Variants in ZNF212 observed in about 807,000 individuals in gnomAD.
The protein encoded by ZNF212 is Zinc finger protein C2H2-150.
In ZNF212, 32 loss-of-function variants were observed where a neutral mutation model predicts 47.3. That is an observed-to-expected ratio of 0.68 (90% confidence interval 0.51 to 0.91). The LOEUF (loss-of-function observed/expected upper bound fraction) is 0.91, where lower values mean the gene tolerates loss of function less well. Ranked by LOEUF, ZNF212 falls within the 40% of genes least tolerant of loss-of-function variation. The probability of loss-of-function intolerance (pLI) is 0.00; values close to 1 mark genes in which losing one functional copy is unlikely to be tolerated. For missense variants in ZNF212, 555 were observed against 622.8 expected, an observed-to-expected ratio of 0.89 and a Z score of 1.16; for synonymous variants, 242 against 253.8, an observed-to-expected ratio of 0.95 and a Z score of 0.44.
intron 3 of ZNF212, among the ~76,000 whole-genome samples, chr7:149,251,757 AG>A (rs1455136630): frequency 1.3e-5 from 2 of 151,624 alleles, no homozygotes; most frequent in Non-Finnish European, 2.9e-5. Flanking sequence ...CCCAAAGTGC[AG>A]GGATTACAGG....
At chr7:149,243,458 AAGAGAG>A (rs1164187178) in intron 1 of ZNF212, among the ~76,000 whole-genome samples, 4 of 144,340 alleles carry the variant, frequency 2.8e-5, no homozygotes, top group African/African-American at 7.8e-5. Context: ...AAAAAAAAAA[AAGAGAG>A]AGAGAGAGAG....
intron 1 of ZNF212, among the ~76,000 whole-genome samples, chr7:149,242,431 T>G (rs1024395013): frequency 2.0e-5 from 3 of 151,774 alleles, no homozygotes; most frequent in African/African-American, 7.3e-5. Context: ...CCATGGAAGC[T>G]AGGCAAAAGT....
At chr7:149,242,253 C>G (rs1796603938) in intron 1 of ZNF212, among the ~76,000 whole-genome samples, 1 of 151,518 alleles carries the variant, frequency 6.6e-6, no homozygotes, top group Admixed American at 6.6e-5. Context: ...AACTCCTGAC[C>G]TCAGGTGATC....
intron 1 of ZNF212, among the ~76,000 whole-genome samples, chr7:149,240,987 T>A (rs1356090219): frequency 2.0e-5 from 3 of 152,216 alleles, no homozygotes; most frequent in Admixed American, 2.0e-4. Context: ...CTGACTCCTA[T>A]AAGCTAGGCT....
intron 1 of ZNF212, among the ~76,000 whole-genome samples, 158 bp from the exon 2 acceptor site, chr7:149,250,001 T>C (rs1428683111): frequency 2.0e-5 from 3 of 152,194 alleles, no homozygotes; most frequent in Non-Finnish European, 4.4e-5. Flanking sequence ...TCCAACATTA[T>C]TAATACAATA....
At chr7:149,251,491 C>CTTTTTTTTTTTTT (rs71194634) in intron 3 of ZNF212, among the ~76,000 whole-genome samples, 4 of 77,434 alleles carry the variant, frequency 5.2e-5, no homozygotes, top group African/African-American at 1.0e-4. Context: ...CCTGTTTTAT[C>CTTTTTTTTTTTTT]TTTTTTTTTT....
Position 149,250,668 on chromosome 7 carries a change from T to C in ZNF212, c.415-13T>C, listed in dbSNP as rs1256521555. The C allele has an allele frequency of 3.1e-6, 5 of 1,614,190 alleles. No homozygotes were observed. The highest frequency in any genetic ancestry group is 1.1e-5 in the South Asian group (1 of 91,088). ...GAGTAGAAGCACTCATGGTGTGCCA[T>C]TGGTGATTCCAGGTGTCCAGGTCAC... is the stretch of plus-strand genomic sequence containing the variant. On this transcript the variant is annotated splice_polypyrimidine_tract_variant and intron_variant, in intron 2 of 4. Coordinates refer to ENST00000335870, the MANE Select transcript of ZNF212 (RefSeq NM_012256.4).
In ZNF212 at chr7:149,250,308, G is replaced by C; in HGVS notation, c.174G>C (p.Gln58His). The C allele has an allele frequency of 6.2e-7, 1 of 1,613,996 alleles. No homozygotes were observed. The highest frequency in any genetic ancestry group is 8.5e-7 in the Non-Finnish European group (1 of 1,179,990). Reference protein sequence around the residue: ...IQAVEKKMESQAARLQSLEGR... With the variant: ...IQAVEKKMESHAARLQSLEGR... ...CTGTGGAGAAGAAGATGGAGTCCCA[G>C]GCTGCCCGGCTACAGAGCCTGGAGG... Residue 58 changes from glutamine (Q) to histidine (H), a missense_variant, in exon 2 of 5, where the codon CAG becomes CAC. Physicochemically the swap from Gln to His is conservative, Grantham distance 24. Transcript: ENST00000335870.
In ZNF212 at chr7:149,254,452, G is replaced by A. The variant is rs1486400487; in HGVS notation, c.*37G>A. 2 of 1,548,122 alleles carry A rather than the reference G, an allele frequency of 1.3e-6. No homozygotes were observed. Among genetic ancestry groups the A allele is most frequent in the Non-Finnish European group, 1.7e-6 (2 of 1,157,198 alleles). On this transcript the variant is annotated 3_prime_UTR_variant, in exon 5 of 5. Coordinates refer to ENST00000335870, the MANE Select transcript of ZNF212 (RefSeq NM_012256.4). This position sits in a 1 kb window ranked among gnomAD's most constrained non-coding sequence, Gnocchi z 4.5. ...CTCGCCCGTCTGGGGGATGGAGGGGGGTGGCATTGGTTCCCCCGAAGAGAC... is the reference window on the plus strand; with the variant it reads ...CTCGCCCGTCTGGGGGATGGAGGGGAGTGGCATTGGTTCCCCCGAAGAGAC...
At chr7:149,246,711 A>G (rs753225883) in intron 1 of ZNF212, among the ~76,000 whole-genome samples, 21 of 148,770 alleles carry the variant, frequency 1.4e-4, no homozygotes, top group Non-Finnish European at 2.7e-4. Context: ...TTTTTCTCCT[A>G]TCCCTAGCCC....
intron 1 of ZNF212, among the ~76,000 whole-genome samples, chr7:149,246,502 C>A (rs1008477641): frequency 5.9e-5 from 9 of 152,112 alleles, no homozygotes; most frequent in Non-Finnish European, 1.2e-4. Flanking sequence ...CTCGCCTCAA[C>A]CTCCCAAGTA....
intron 1 of ZNF212, among the ~76,000 whole-genome samples, chr7:149,241,892 G>A (rs1796594077): frequency 6.6e-6 from 1 of 152,214 alleles, no homozygotes; most frequent in African/African-American, 2.4e-5. Context: ...TGAACTGAAA[G>A]TAAGGTCTGA....
chr7:149,247,031 C>T (rs1203938930), intron 1 of ZNF212, among the ~76,000 whole-genome samples: 1 of 149,182 alleles, frequency 6.7e-6, no homozygotes. Flanking sequence ...AGGCTGGTCT[C>T]GAACTCCCAA....
intron 1 of ZNF212, 66 bp downstream of exon 1, chr7:149,239,868 G>C (rs2129524114): frequency 7.9e-7 from 1 of 1,258,456 alleles, no homozygotes; most frequent in Non-Finnish European, 1.0e-6. Context: ...TGCCGGGGGC[G>C]GGGCTTCGCG....
At chr7:149,244,154 T>C (rs1347932176) in intron 1 of ZNF212, among the ~76,000 whole-genome samples, 2 of 152,002 alleles carry the variant, frequency 1.3e-5, no homozygotes, top group Non-Finnish European at 2.9e-5. Context: ...AGGCTGGTCT[T>C]GAACTCCTGA....
At position 149,254,243 on chromosome 7, in the gene ZNF212, C is replaced by T; in HGVS notation, c.1316C>T (p.Pro439Leu). 1 of 1,614,242 alleles carries T rather than the reference C, an allele frequency of 6.2e-7. No individual in the cohort carries two copies. Among genetic ancestry groups the T allele is most frequent in the Non-Finnish European group, 8.5e-7 (1 of 1,180,036 alleles). ...TACTGTGGCAAGAGCTTCAGTCACC[C>T]ATCTGACTTGGTGCGGCACCAGCGC... Reference protein sequence around the residue: ...CGYCGKSFSHPSDLVRHQRIH... With the variant: ...CGYCGKSFSHLSDLVRHQRIH... The change falls in exon 5 of 5, where the codon CCA (proline) becomes CTA (leucine). Residue 439 changes from proline (P) to leucine (L), a missense_variant. Transcript: ENST00000335870. This position sits in a 1 kb window ranked among gnomAD's most constrained non-coding sequence, Gnocchi z 4.5.
Position 149,254,646 on chromosome 7 carries a change from C to T in ZNF212, c.*231C>T. 1 of 565,834 alleles carries T rather than the reference C, an allele frequency of 1.8e-6. No individual in the cohort carries two copies. The highest frequency in any genetic ancestry group is 3.1e-5 in the South Asian group (1 of 32,198). The allele number at this position is 565,834 out of a possible 1,614,324, so 35.1% of individuals were successfully genotyped here. On this transcript the variant is annotated 3_prime_UTR_variant, in exon 5 of 5. Transcript: ENST00000335870. The surrounding 1 kb of genome is among the most constrained non-coding windows in gnomAD (Gnocchi z 4.5). Reference sequence around the variant, plus strand: ...TTGCTGTTTCTTGGCACCTTCAGGTCTCTGGTTTTCTCATTCATGCCAATG... The same window carrying T: ...TTGCTGTTTCTTGGCACCTTCAGGTTTCTGGTTTTCTCATTCATGCCAATG...
At chr7:149,242,881 C>T (rs1040629573) in intron 1 of ZNF212, among the ~76,000 whole-genome samples, 3 of 151,258 alleles carry the variant, frequency 2.0e-5, no homozygotes, top group Non-Finnish European at 2.9e-5. Flanking sequence ...CGAAATTGGT[C>T]GTATAACTTA....
rs1434083548 is a variant in ZNF212, at chr7:149,253,800, A to C, written c.873A>C (p.Lys291Asn). ...SSRTVGCPKQ[K>N]SHRQVQLDQE... ...GAACTGTGGGCTGCCCGAAGCAGAA[A>C]TCTCATAGGCAGGTACAGCTGGACC... The change falls in exon 5 of 5, where the codon AAA becomes AAC. Residue 291 changes from lysine to asparagine, a missense_variant. By Grantham distance (94) the Lys-to-Asn change is moderately conservative. Transcript: ENST00000335870. The C allele has an allele frequency of 1.2e-6, 2 of 1,614,100 alleles. No homozygotes were observed. The highest frequency in any genetic ancestry group is 1.7e-6 in the Non-Finnish European group (2 of 1,179,968).
Sources: allele counts gnomAD v4.1 joint callset (sites outside exome capture counted in the v4.1 genomes callset), GRCh38; gene constraint gnomAD v4.1.1; non-coding constraint Gnocchi (gnomAD v3.1); transcripts MANE v1.5; gene names NCBI Gene and HGNC (gene_info 2026-07-23, HGNC 2026-07-21).